The following THSD7B variants were observed in gnomAD, a reference collection of about 807,000 sequenced individuals.
The protein encoded by THSD7B is thrombospondin type-1 domain-containing protein 7B.
THSD7B carries 138 observed loss-of-function variants against 213.6 expected under a neutral mutation model. The ratio of observed to expected loss-of-function variants is 0.65; its 90% CI spans 0.56 to 0.74. The LOEUF (loss-of-function observed/expected upper bound fraction) is 0.74. Among genes scored for constraint, THSD7B ranks in the 30% least tolerant of loss-of-function variants. The pLI is 0.00. For synonymous variants in THSD7B, 742 were observed against 687.0 expected (o/e 1.08, Z -1.25); for missense variants, 1,931 against 1,991.5 (o/e 0.97, Z 0.58).
chr2:136,965,437 TGGC>T (rs1331478563), intron 2 of THSD7B, among the ~76,000 whole-genome samples: 3 of 152,108 alleles, frequency 2.0e-5, no homozygotes, highest in African/African-American at 7.2e-5. Flanking sequence ...ACGAAGAAAA[TGGC>T]ATTTGAGCCA....
At chr2:137,593,529 G>A (rs973988265) in intron 17 of THSD7B, among the ~76,000 whole-genome samples, 1 of 141,138 alleles carries the variant, frequency 7.1e-6, no homozygotes, top group Non-Finnish European at 1.5e-5. Context: ...ATAACTAATA[G>A]TGTTGAGCAA....
At chr2:136,831,534 T>G (rs1313065410) in intron 1 of THSD7B, among the ~76,000 whole-genome samples, 1 of 152,232 alleles carries the variant, frequency 6.6e-6, no homozygotes, top group Non-Finnish European at 1.5e-5. Flanking sequence ...TTGTGTTTGA[T>G]GCACTGTGTA....
At chr2:136,900,771 A>G (rs1684050338) in intron 2 of THSD7B, among the ~76,000 whole-genome samples, 1 of 152,180 alleles carries the variant, frequency 6.6e-6, no homozygotes, top group African/African-American at 2.4e-5. Context: ...TCAAGAGAAA[A>G]ATGTTAATAT....
intron 2 of THSD7B, among the ~76,000 whole-genome samples, chr2:137,029,067 G>A (rs1022511821): frequency 2.1e-4 from 28 of 133,640 alleles, no homozygotes; most frequent in Admixed American, 1.1e-3. Flanking sequence ...ATTTTCTGAT[G>A]TCTTTGTAAG....
intron 14 of THSD7B, among the ~76,000 whole-genome samples, chr2:137,432,135 G>T (rs1442342006): frequency 1.3e-5 from 2 of 152,186 alleles, no homozygotes; most frequent in Admixed American, 1.3e-4. Flanking sequence ...GCTCCTGCCT[G>T]TAATCCCAGC....
At chr2:137,317,935 A>AG (rs938454753) in intron 12 of THSD7B, among the ~76,000 whole-genome samples, 71 of 152,060 alleles carry the variant, frequency 4.7e-4, no homozygotes, top group Non-Finnish European at 8.5e-4. Flanking sequence ...TCTATGGGGG[A>AG]GGGGGGAAGA....
At chr2:136,947,934 G>A (rs1684971845) in intron 2 of THSD7B, among the ~76,000 whole-genome samples, 1 of 152,154 alleles carries the variant, frequency 6.6e-6, no homozygotes, top group Non-Finnish European at 1.5e-5. Context: ...GCATGGGGGT[G>A]TCCTGCAGAC....
chr2:136,916,840 G>A (rs937651942), intron 2 of THSD7B, among the ~76,000 whole-genome samples: 2 of 152,112 alleles, frequency 1.3e-5, no homozygotes, highest in African/African-American at 4.8e-5. Flanking sequence ...AGTGGAAAAG[G>A]ACCCAAATCC....
chr2:137,111,171 A>G (rs1184051665), intron 4 of THSD7B, among the ~76,000 whole-genome samples: 3 of 152,190 alleles, frequency 2.0e-5, no homozygotes, highest in African/African-American at 7.2e-5. Flanking sequence ...TATATTCTCG[A>G]ACTGTACTTG....
intron 2 of THSD7B, among the ~76,000 whole-genome samples, chr2:136,912,003 G>A (rs1284383934): frequency 6.6e-6 from 1 of 152,044 alleles, no homozygotes; most frequent in Non-Finnish European, 1.5e-5. Context: ...ATAGCGGAAT[G>A]CAGGAAGGGA....
At chr2:137,449,511 G>A (rs1687605780) in intron 14 of THSD7B, among the ~76,000 whole-genome samples, 1 of 152,172 alleles carries the variant, frequency 6.6e-6, no homozygotes, top group African/African-American at 2.4e-5. Context: ...CTAGGGTTGA[G>A]ATCTCAGCAG....
chr2:137,483,978 C>A (rs998238699), intron 15 of THSD7B, among the ~76,000 whole-genome samples: 1 of 151,682 alleles, frequency 6.6e-6, no homozygotes, highest in Non-Finnish European at 1.5e-5. Context: ...GGACATTATG[C>A]GATTCGTTCC....
At chr2:137,495,675 C>CA (rs1197255213) in intron 15 of THSD7B, among the ~76,000 whole-genome samples, 8 of 152,292 alleles carry the variant, frequency 5.3e-5, no homozygotes, top group African/African-American at 1.7e-4. Context: ...AACTGCCTCT[C>CA]AGCCTCTCCA....
In THSD7B at chr2:137,137,096, T is replaced by C. The variant is rs115993585; in HGVS notation, c.1369+21803T>C. 8.8e-3 allele frequency among the ~76,000 whole-genome samples: 1,343 copies of C among 152,288 alleles called. 18 individuals are homozygous for C. Among genetic ancestry groups the C allele is most frequent in the African/African-American group, 0.031 (1,299 of 41,556 alleles). On this transcript the variant is annotated intron_variant, in intron 5 of 27. Transcript: ENST00000409968. ...GTTCTGATTTTTAGTTAAATGAAGT[T>C]TTGGTAAAATATTTGCACAACTGAA...
chr2:137,244,672 T>C (rs1321456693), intron 10 of THSD7B, among the ~76,000 whole-genome samples: 3 of 152,212 alleles, frequency 2.0e-5, no homozygotes, highest in Admixed American at 2.0e-4. Flanking sequence ...GTGGTCTCTC[T>C]TTGCCACCAA....
intron 12 of THSD7B, among the ~76,000 whole-genome samples, chr2:137,312,738 T>G (rs1406930926): frequency 8.0e-5 from 12 of 149,482 alleles, no homozygotes; most frequent in Non-Finnish European, 1.5e-4. Flanking sequence ...AAGAACATCT[T>G]TATTTCTGCC....
chr2:137,438,455 C>T (rs899731452), intron 14 of THSD7B, among the ~76,000 whole-genome samples: 1 of 152,114 alleles, frequency 6.6e-6, no homozygotes, highest in Non-Finnish European at 1.5e-5. Flanking sequence ...ATATATTCAA[C>T]TTTGTCAGCT....
At chr2:137,403,571 C>G (rs532506267) in intron 12 of THSD7B, among the ~76,000 whole-genome samples, 2 of 152,306 alleles carry the variant, frequency 1.3e-5, no homozygotes, top group East Asian at 1.9e-4. Flanking sequence ...CATTAACATA[C>G]AGCGTGTCTA....
chr2:137,509,563 TC>T (rs1222218190), intron 15 of THSD7B, among the ~76,000 whole-genome samples: 3 of 152,186 alleles, frequency 2.0e-5, no homozygotes, highest in Non-Finnish European at 4.4e-5. Flanking sequence ...GAACATATTT[TC>T]CTCTAATTCT....
Sources: allele counts gnomAD v4.1 joint callset (sites outside exome capture counted in the v4.1 genomes callset), GRCh38; gene constraint gnomAD v4.1.1; transcripts MANE v1.5; gene names NCBI Gene and HGNC (gene_info 2026-07-23, HGNC 2026-07-21).